Variants in NCOR2 observed in about 807,000 individuals in gnomAD.
NCOR2 encodes nuclear receptor corepressor 2.
In NCOR2, 81 loss-of-function variants were observed where a neutral mutation model predicts 262.9. The observed-to-expected ratio is 0.31, with a 90% confidence interval of 0.26 to 0.37. The LOEUF (loss-of-function observed/expected upper bound fraction) is 0.37. Ranked by LOEUF, NCOR2 falls within the 10% of genes least tolerant of loss-of-function variation. The probability of loss-of-function intolerance (pLI) is 1.00; values close to 1 mark genes in which losing one functional copy is unlikely to be tolerated. For synonymous variants in NCOR2, 1,659 were observed against 1,559.3 expected, an observed-to-expected ratio of 1.06 and a Z score of -1.51; for missense variants, 3,385 against 3,621.4, an observed-to-expected ratio of 0.93 and a Z score of 1.68.
rs958627720 is a variant in NCOR2 at position 124,428,086 on chromosome 12, T to TGTGTGTGTGTGTGC, written c.1150-1287_1150-1286insGCACACACACACAC. Among the ~76,000 whole-genome samples the TGTGTGTGTGTGTGC allele has an allele frequency of 9.2e-4, 135 of 147,160 alleles. 4 individuals carry two copies. In the Middle Eastern group the frequency reaches 0.011, roughly 12 times the overall value. ...GTGTGTGTGTGTGTGTGTGTGTGTG[T>TGTGTGTGTGTGTGC]GTACATGCAACAATCAGCCCAGGTG... On this transcript the variant is annotated intron_variant, in intron 10 of 46. Transcript: ENST00000405201.
In NCOR2 at chr12:124,421,357, C is replaced by T. The variant is rs541982680; in HGVS notation, c.1383+1144G>A. On this transcript the variant is annotated intron_variant, in intron 12 of 46. Transcript: ENST00000405201. ...ATCCTGAAGGAGGACTGCTCGATGG[C>T]CAGTTTCTGAAATGCTTCCATCCTG... Among the ~76,000 whole-genome samples, 10 of 152,376 alleles carry T rather than the reference C, an allele frequency of 6.6e-5. 1 individual carries two copies. In the South Asian group the frequency reaches 2.1e-3, roughly 32 times the overall value.
At chr12:124,530,610 A>G (rs1223598077) in intron 1 of NCOR2, among the ~76,000 whole-genome samples, 3 of 152,162 alleles carry the variant, frequency 2.0e-5, no homozygotes, top group African/African-American at 7.2e-5. Context: ...CCCCTGATGT[A>G]TGAGCATTGG....
At chr12:124,437,858 G>T in intron 8 of NCOR2, 72 bp downstream of exon 10, 1 of 1,434,634 alleles carries the variant, frequency 7.0e-7, no homozygotes, top group Non-Finnish European at 9.6e-7. Context: ...GCCCCGGCAG[G>T]TGTGGCCCCC....
intron 1 of NCOR2, among the ~76,000 whole-genome samples, chr12:124,542,026 G>C (rs1336907610): frequency 1.3e-5 from 2 of 151,734 alleles, no homozygotes; most frequent in African/African-American, 4.9e-5. Context: ...GAACAGTGTG[G>C]GGCAGGGCCA....
rs542545874 is a variant in NCOR2, at chr12:124,457,692, G to A, written c.706-530C>T. On this transcript the variant is annotated intron_variant, in intron 5 of 46. Transcript: ENST00000405201. The surrounding 1 kb of genome is among the most constrained non-coding windows in gnomAD (Gnocchi z 4.0). The stretch of plus-strand genomic sequence containing the variant: ...CATGTGATTATTTCTGGGCTGCCCC[G>A]GGGCCTCCCCGCCTCCTCCCCACTC... 2.6e-5 allele frequency among the ~76,000 whole-genome samples: 4 copies of A among 152,188 alleles called. No individual in the cohort carries two copies. The highest frequency in any genetic ancestry group is 1.3e-4 in the Admixed American group (2 of 15,286).
intron 13 of NCOR2, among the ~76,000 whole-genome samples, chr12:124,404,708 G>T (rs2042181685): frequency 6.6e-6 from 1 of 152,214 alleles, no homozygotes; most frequent in Non-Finnish European, 1.5e-5. Flanking sequence ...GGAAGAAGAG[G>T]CTGGTACAGA....
rs559868148 is a variant in NCOR2, at chr12:124,392,068, C to T, written c.1876+6051G>A. Among the ~76,000 whole-genome samples, 5 of 152,344 alleles carry T rather than the reference C, an allele frequency of 3.3e-5. 1 individual carries two copies. The South Asian group carries it at 1.0e-3, about 32-fold the overall frequency. On this transcript the variant is annotated intron_variant, in intron 16 of 46. Transcript: ENST00000405201. ...CGTGTGTACACACGCGTGTGGAGGGCCTGCCTTGTTCGTGAGCACCAGCCA... is the reference window on the plus strand; with the variant it reads ...CGTGTGTACACACGCGTGTGGAGGGTCTGCCTTGTTCGTGAGCACCAGCCA...
At chr12:124,372,464 C>A (rs761004263) in exon 20 of NCOR2, 1 of 1,558,700 alleles carries the variant, frequency 6.4e-7, no homozygotes, top group Admixed American at 1.9e-5. Context: ...GCCGGGATGT[C>A]CTCCGGTGGT....
At chr12:124,412,538 A>C (rs772820956) in intron 13 of NCOR2, among the ~76,000 whole-genome samples, 4 of 152,236 alleles carry the variant, frequency 2.6e-5, no homozygotes, top group Non-Finnish European at 4.4e-5. Context: ...AACTCAGCTC[A>C]GAGCTGCCTC....
At chr12:124,499,089 A>G (rs2048539320), upstream of NCOR2, among the ~76,000 whole-genome samples, 1 of 152,200 alleles carries the variant, frequency 6.6e-6, no homozygotes, top group Non-Finnish European at 1.5e-5. Flanking sequence ...GCGAATAGGG[A>G]AAAAAATAAG....
chr12:124,388,672 A>T (rs376760475), intron 16 of NCOR2: 1 of 1,304,362 alleles, frequency 7.7e-7, no homozygotes, highest in South Asian at 1.2e-5. Flanking sequence ...CCTCCCCAGG[A>T]CCACTCACTC....
chr12:124,431,479 C>G (rs1314517852), intron 8 of NCOR2, among the ~76,000 whole-genome samples: 3 of 147,504 alleles, frequency 2.0e-5, no homozygotes, highest in African/African-American at 5.1e-5. Context: ...CAGAGAGACA[C>G]ACACACACAG....
intron 1 of NCOR2, among the ~76,000 whole-genome samples, chr12:124,558,268 C>CT: frequency 6.6e-6 from 1 of 151,164 alleles, no homozygotes; most frequent in South Asian, 2.1e-4. Flanking sequence ...TCCCACCCAC[C>CT]CCCCCTCCAG....
chr12:124,535,972 AG>A (rs1230465354), upstream of NCOR2, among the ~76,000 whole-genome samples: 1 of 152,162 alleles, frequency 6.6e-6, no homozygotes, highest in Non-Finnish European at 1.5e-5. Flanking sequence ...AACTACCCAG[AG>A]GACCCCACAA....
upstream of NCOR2, among the ~76,000 whole-genome samples, chr12:124,536,170 A>C (rs1040737663): frequency 6.6e-6 from 1 of 152,020 alleles, no homozygotes; most frequent in Non-Finnish European, 1.5e-5. Context: ...TGCAGCCCCA[A>C]CCCTAAGGCG....
chr12:124,464,075 T>C (rs931196152), intron 5 of NCOR2, among the ~76,000 whole-genome samples: 3 of 152,242 alleles, frequency 2.0e-5, no homozygotes, highest in Non-Finnish European at 2.9e-5. Context: ...ACAGAAATCA[T>C]GTCCCATGGG....
intron 1 of NCOR2, among the ~76,000 whole-genome samples, chr12:124,554,737 G>C (rs868702024): frequency 6.6e-6 from 1 of 152,258 alleles, no homozygotes; most frequent in African/African-American, 2.4e-5. Context: ...GGGAGGTGCC[G>C]CTGCGGCAAG....
At chr12:124,356,814 CAGG>C in intron 22 of NCOR2, 32 bp from the exon 25 acceptor site, 2 of 1,443,494 alleles carry the variant, frequency 1.4e-6, no homozygotes, top group Non-Finnish European at 1.8e-6. Flanking sequence ...CTGCTGAGGG[CAGG>C]AGGTGGGGCA....
upstream of NCOR2, among the ~76,000 whole-genome samples, chr12:124,540,412 G>A (rs1333395465): frequency 8.0e-6 from 1 of 124,618 alleles, no homozygotes; most frequent in Non-Finnish European, 1.7e-5. Context: ...GAGGGCTGGG[G>A]AGTGGAGAAC....
Sources: gnomAD v4.1 joint callset for allele counts (sites outside exome capture counted in the v4.1 genomes callset) on GRCh38, gnomAD v4.1.1 for gene constraint, Gnocchi (gnomAD v3.1) non-coding constraint, MANE v1.5 for transcripts, NCBI Gene and HGNC (gene_info 2026-07-23, HGNC 2026-07-21) for gene names.